UMPS: variants seen among roughly 807,000 people sequenced by gnomAD.
The protein encoded by UMPS is uridine 5'-monophosphate synthase.
Under a neutral mutation model 38.9 loss-of-function variants are expected in UMPS, and 21 were observed. That is an observed-to-expected ratio of 0.54 (90% CI 0.38 to 0.78). The LOEUF (loss-of-function observed/expected upper bound fraction) is 0.78. Among genes scored for constraint, UMPS ranks in the 30% least tolerant of loss-of-function variants. The pLI, the probability that UMPS is intolerant of heterozygous loss-of-function variation, is 0.00. For missense variants in UMPS, 533 were observed against 591.6 expected (o/e 0.90, Z 1.03); for synonymous variants, 208 against 219.3 (o/e 0.95, Z 0.45).
chr3:124,748,536 G>A lies in UMPS; in HGVS notation c.*4452G>A, dbSNP rs983738901. 1 of 454,002 alleles carries A rather than the reference G, an allele frequency of 2.2e-6. No homozygotes were observed. Among genetic ancestry groups the A allele is most frequent in the African/African-American group, 2.0e-5 (1 of 50,000 alleles). 28.1% of individuals were successfully genotyped at this position (454,002 alleles called of 1,614,324 possible). ...TGCCTAGCCCTTTCCTTCCCACCAA[G>A]GGGGAAAGTCTTCCTCTAGACAAGA... is the stretch of plus-strand genomic sequence containing the variant. On this transcript the variant is annotated 3_prime_UTR_variant, in exon 6 of 6. Coordinates refer to ENST00000232607, the MANE Select transcript of UMPS (RefSeq NM_000373.4).
rs1356796754 is a variant in UMPS, at chr3:124,746,310, T to G, written c.*2226T>G. ...CCTTGTGCCCCACACCATCAGAGTTTCTGCGTTAGCAGATTTGTGGTTTGC... is the reference window on the plus strand; with the variant it reads ...CCTTGTGCCCCACACCATCAGAGTTGCTGCGTTAGCAGATTTGTGGTTTGC... On this transcript the variant is annotated 3_prime_UTR_variant, in exon 6 of 6. Coordinates refer to ENST00000232607, the MANE Select transcript of UMPS (RefSeq NM_000373.4). 6.6e-6 allele frequency: 3 copies of G among 454,008 alleles called. No homozygotes were observed. The highest frequency in any genetic ancestry group is 1.3e-5 in the Non-Finnish European group (3 of 226,792). 28.1% of individuals were successfully genotyped at this position (454,008 alleles called of 1,614,324 possible).
chr3:124,740,277 G>A, intron 4 of UMPS, 78 bp downstream of exon 4: 1 of 1,448,864 alleles, frequency 6.9e-7, no homozygotes, highest in Non-Finnish European at 9.3e-7. Flanking sequence ...TCCTAATCTG[G>A]CGTTTCTGGA....
At chr3:124,741,403 C>T (rs1157748198) in intron 4 of UMPS, among the ~76,000 whole-genome samples, 2 of 151,986 alleles carry the variant, frequency 1.3e-5, no homozygotes, top group African/African-American at 4.8e-5. Flanking sequence ...AAGTACCTAC[C>T]GAATCAGAAA....
At position 124,747,705 on chromosome 3, in the gene UMPS, T is replaced by G. The variant is rs1413648025; in HGVS notation, c.*3621T>G. The G allele has an allele frequency of 8.8e-6, 4 of 453,716 alleles. No homozygotes were observed. The highest frequency in any genetic ancestry group is 1.8e-5 in the Non-Finnish European group (4 of 226,526). The allele number at this position is 453,716 out of a possible 1,614,324, so 28.1% of individuals were successfully genotyped here. Reference sequence around the variant, plus strand: ...ATCTAGCTAAATACATTTAACTTGCTGCAGCTCTCTGGATCCAGCCTGGTT... The same window carrying G: ...ATCTAGCTAAATACATTTAACTTGCGGCAGCTCTCTGGATCCAGCCTGGTT... On this transcript the variant is annotated 3_prime_UTR_variant, in exon 6 of 6. Transcript: ENST00000232607.
rs138374608 is a variant in UMPS at position 124,734,449 on chromosome 3, G to T, written c.157-644G>T. 1.2e-3 allele frequency among the ~76,000 whole-genome samples: 183 copies of T among 152,248 alleles called. 2 individuals are homozygous for T. The highest frequency in any genetic ancestry group is 5.8e-3 in the South Asian group (28 of 4,822). On this transcript the variant is annotated intron_variant, in intron 1 of 5. Transcript: ENST00000232607. ...ATAGGTTTAGATACTCAGCCTAATG[G>T]GTTACTGAGGAAACCAGGAAGTCGG...
chr3:124,733,103 CA>C (rs993964124), intron 1 of UMPS, among the ~76,000 whole-genome samples: 1 of 151,670 alleles, frequency 6.6e-6, no homozygotes. Flanking sequence ...ATTTACACCC[CA>C]AAAAGCAATA....
At position 124,740,729 on chromosome 3, in the gene UMPS, G is replaced by T. The variant is rs569550536; in HGVS notation, c.1158+530G>T. Among the ~76,000 whole-genome samples, 3 of 152,112 alleles carry T rather than the reference G, an allele frequency of 2.0e-5. No homozygotes were observed. The East Asian group carries it at 5.8e-4, about 29-fold the overall frequency. Reference sequence around the variant, plus strand: ...TCCTAGCACTTTGGGAGGCCAAGGCGGGAGGATTGCTTGAGGCCAGGAGTT... The same window carrying T: ...TCCTAGCACTTTGGGAGGCCAAGGCTGGAGGATTGCTTGAGGCCAGGAGTT... On this transcript the variant is annotated intron_variant, in intron 4 of 5. Coordinates refer to ENST00000232607, the MANE Select transcript of UMPS (RefSeq NM_000373.4).
Position 124,737,811 on chromosome 3 carries a change from A to C in UMPS, c.554A>C (p.Gln185Pro). The C allele has an allele frequency of 6.2e-7, 1 of 1,614,224 alleles. No individual in the cohort carries two copies. Among genetic ancestry groups the C allele is most frequent in the South Asian group, 1.1e-5 (1 of 91,080 alleles). The change falls in exon 3 of 6, where the codon CAG (glutamine) becomes CCG (proline). Residue 185 changes from glutamine to proline, a missense_variant. By Grantham distance (76) the Gln-to-Pro change is moderately conservative (BLOSUM62 -1). Coordinates refer to ENST00000232607, the MANE Select transcript of UMPS (RefSeq NM_000373.4). ...TCCAAAATGCTGGAGATTCTCGAGC[A>C]GCAGAAAAAAGTTGATGCTGAGACA... is the stretch of plus-strand genomic sequence containing the variant. ...TLSKMLEILE[Q>P]QKKVDAETVG... is the part of the protein sequence containing the mutation.
In UMPS at chr3:124,737,833, G is replaced by C. The variant is rs2150896519; in HGVS notation, c.576G>C (p.Glu192Asp). Residue 192 changes from glutamate (E) to aspartate (D), a missense_variant, in exon 3 of 6, where the codon GAG (glutamate) becomes GAC (aspartate). Glu to Asp is a conservative substitution (Grantham distance 45, BLOSUM62 2). Transcript: ENST00000232607. ...ILEQQKKVDA[E>D]TVGRVKRFIQ... ...AGCAGCAGAAAAAAGTTGATGCTGA[G>C]ACAGTTGGGAGAGTGAAGAGGTTTA... The C allele has an allele frequency of 6.2e-7, 1 of 1,614,216 alleles. No homozygotes were observed. The highest frequency in any genetic ancestry group is 1.7e-5 in the Admixed American group (1 of 60,034).
Position 124,737,577 on chromosome 3 carries a change from G to A in UMPS, c.320G>A (p.Arg107His), listed in dbSNP as rs142349403. Residue 107 changes from arginine to histidine, a missense_variant, in exon 3 of 6, where the codon CGT becomes CAT. Transcript: ENST00000232607. Reference protein sequence around the residue: ...RKETKDYGTKRLVEGTINPGE... With the variant: ...RKETKDYGTKHLVEGTINPGE... Reference sequence around the variant, plus strand: ...ATTTTTTCTTTTCTAGGAACTAAGCGTCTTGTAGAAGGAACTATTAATCCA... The same window carrying A: ...ATTTTTTCTTTTCTAGGAACTAAGCATCTTGTAGAAGGAACTATTAATCCA... 258 of 1,614,136 alleles carry A rather than the reference G, an allele frequency of 1.6e-4. No homozygotes were observed. In the African/African-American group the frequency reaches 2.3e-3, roughly 14 times the overall value.
rs1226834464 is a variant in UMPS at position 124,748,021 on chromosome 3, C to T, written c.*3937C>T. ...CTTTTTGAAGGAATCTGATACTAAA[C>T]ACAAAGCATGAGAAAAATCAGGACT... is the stretch of plus-strand genomic sequence containing the variant. On this transcript the variant is annotated 3_prime_UTR_variant, in exon 6 of 6. Transcript: ENST00000232607. 2.2e-6 allele frequency: 1 copy of T among 448,336 alleles called. No homozygotes were observed. The highest frequency in any genetic ancestry group is 4.5e-6 in the Non-Finnish European group (1 of 223,876). The allele number at this position is 448,336 out of a possible 1,614,324, so 27.8% of individuals were successfully genotyped here.
rs2063604796 is a variant in UMPS, at chr3:124,746,825, C to T, written c.*2741C>T. ...TGCGCGCGCGTGCGCACTGGAGGAA[C>T]CTAAGAAACTATTTGGTGCACTTCC... On this transcript the variant is annotated 3_prime_UTR_variant, in exon 6 of 6. Transcript: ENST00000232607. 6.7e-6 allele frequency: 3 copies of T among 448,002 alleles called. No homozygotes were observed. Among genetic ancestry groups the T allele is most frequent in the Non-Finnish European group, 1.3e-5 (3 of 224,478 alleles). 27.8% of individuals were successfully genotyped at this position (448,002 alleles called of 1,614,324 possible). A position where few individuals can be genotyped will look rare whatever the true frequency, so the allele number is the denominator to read the frequency against.
Position 124,734,959 on chromosome 3 carries a change from T to G in UMPS, c.157-134T>G, listed in dbSNP as rs527367307. On this transcript the variant is annotated intron_variant, in intron 1 of 5. Coordinates refer to ENST00000232607, the MANE Select transcript of UMPS (RefSeq NM_000373.4). ...TCACTTGAACCTGGGAGGCAGAGGT[T>G]GCAGTGAGCCGAGATCGCACCACTG... 5.4e-6 allele frequency: 4 copies of G among 741,388 alleles called. No individual in the cohort carries two copies. The East Asian group carries it at 1.3e-4, about 25-fold the overall frequency. 45.9% of individuals were successfully genotyped at this position (741,388 alleles called of 1,614,324 possible).
chr3:124,737,465 GTA>G (rs1223039003), intron 2 of UMPS, 101 bp from the exon 3 acceptor site: 3 of 1,046,720 alleles, frequency 2.9e-6, no homozygotes, highest in Non-Finnish European at 4.4e-6. Context: ...CACATATACT[GTA>G]TGTGTAACTG....
In UMPS at chr3:124,738,427, G is replaced by C. The variant is rs534773402; in HGVS notation, c.982+188G>C. On this transcript the variant is annotated intron_variant, in intron 3 of 5. Coordinates refer to ENST00000232607, the MANE Select transcript of UMPS (RefSeq NM_000373.4). Reference sequence around the variant, plus strand: ...ATCTCTCAGCTCTGCTTTCTTCTCTGTTGACTTCTTTCTCAGGTAGGCATA... The same window carrying C: ...ATCTCTCAGCTCTGCTTTCTTCTCTCTTGACTTCTTTCTCAGGTAGGCATA... 3.7e-5 allele frequency: 23 copies of C among 626,362 alleles called. No homozygotes were observed. In the Admixed American group the frequency reaches 5.1e-4, roughly 14 times the overall value. 38.8% of individuals were successfully genotyped at this position (626,362 alleles called of 1,614,324 possible).
At chr3:124,739,909 T>G in intron 3 of UMPS, 115 bp from the exon 4 acceptor site, 1 of 1,018,222 alleles carries the variant, frequency 9.8e-7, no homozygotes, top group Non-Finnish European at 1.5e-6. Context: ...GAGTTTTGAT[T>G]CTCTCATTAA....
rs186445088 is a variant in UMPS at position 124,745,134 on chromosome 3, C to T, written c.*1050C>T. The T allele has an allele frequency of 6.1e-4, 275 of 454,086 alleles. No homozygotes were observed. Among genetic ancestry groups the T allele is most frequent in the Non-Finnish European group, 9.5e-4 (216 of 226,788 alleles). The allele number at this position is 454,086 out of a possible 1,614,324, so 28.1% of individuals were successfully genotyped here. On this transcript the variant is annotated 3_prime_UTR_variant, in exon 6 of 6. Transcript: ENST00000232607. ...TAAGGATCCCACATAATTGTCCCAA[C>T]GGTCATTAGTAGAGGGGAGGTAAGC...
intron 3 of UMPS, among the ~76,000 whole-genome samples, chr3:124,739,251 C>T (rs17843830): frequency 3.3e-5 from 5 of 152,244 alleles, no homozygotes; most frequent in South Asian, 2.1e-4. Context: ...CTAAGGAACA[C>T]GTAGAAATAT....
In UMPS at chr3:124,747,808, ATC is replaced by A; in HGVS notation, c.*3729_*3730del. The stretch of plus-strand genomic sequence containing the variant: ...ACCATCACCTCTGGCTGCATCAGCG[ATC>A]TCTCCCAGCGAAATAGCTGCTTGGT... On this transcript the variant is annotated 3_prime_UTR_variant, in exon 6 of 6. Coordinates refer to ENST00000232607, the MANE Select transcript of UMPS (RefSeq NM_000373.4). 1 of 450,526 alleles carries A rather than the reference ATC, an allele frequency of 2.2e-6. No homozygotes were observed. The highest frequency in any genetic ancestry group is 1.6e-5 in the South Asian group (1 of 64,450). 27.9% of individuals were successfully genotyped at this position (450,526 alleles called of 1,614,324 possible). A position where few individuals can be genotyped will look rare whatever the true frequency, so the allele number is the denominator to read the frequency against.
Sources: allele counts gnomAD v4.1 joint callset (sites outside exome capture counted in the v4.1 genomes callset), GRCh38; gene constraint gnomAD v4.1.1; transcripts MANE v1.5; gene names NCBI Gene and HGNC (gene_info 2026-07-23, HGNC 2026-07-21).